Variants in TRIM24 observed in about 807,000 individuals in gnomAD.
TRIM24 encodes transcription intermediary factor 1-alpha.
Under a neutral mutation model 123.9 loss-of-function variants are expected in TRIM24, and 29 were observed. That is an observed-to-expected ratio of 0.23 (90% CI 0.17 to 0.32). TRIM24 has a LOEUF of 0.32. Ranked by LOEUF, TRIM24 falls within the 10% of genes least tolerant of loss-of-function variation. The pLI is 1.00. For synonymous variants in TRIM24, 456 were observed against 461.1 expected (o/e 0.99, Z 0.14); for missense variants, 932 against 1,295.3 (o/e 0.72, Z 4.31).
At chr7:138,562,502 G>A (rs1179960034) in intron 9 of TRIM24, among the ~76,000 whole-genome samples, 1 of 152,168 alleles carries the variant, frequency 6.6e-6, no homozygotes, top group Non-Finnish European at 1.5e-5. Context: ...TGTACTGGCA[G>A]GAGTGGGATG....
intron 7 of TRIM24, among the ~76,000 whole-genome samples, chr7:138,548,179 A>C (rs1274670079): frequency 6.6e-6 from 1 of 152,212 alleles, no homozygotes; most frequent in African/African-American, 2.4e-5. Context: ...GTGACATCAT[A>C]GGATATACTT....
At chr7:138,567,996 T>C (rs548915099) in intron 10 of TRIM24, among the ~76,000 whole-genome samples, 9 of 152,246 alleles carry the variant, frequency 5.9e-5, no homozygotes, top group Non-Finnish European at 1.3e-4. Flanking sequence ...AATGAATCTT[T>C]GAAGCGTCTC....
At chr7:138,563,134 C>T (rs866332093) in intron 9 of TRIM24, among the ~76,000 whole-genome samples, 62 of 152,270 alleles carry the variant, frequency 4.1e-4, no homozygotes, top group Middle Eastern at 3.4e-3. Flanking sequence ...CATTAGCTGG[C>T]CCCCCACTTC....
chr7:138,528,983 A>G, intron 5 of TRIM24, 133 bp from the exon 6 acceptor site: 2 of 428,520 alleles, frequency 4.7e-6, no homozygotes, highest in Non-Finnish European at 8.5e-6. Flanking sequence ...AAGACAGTCA[A>G]TTTAAAGTGA....
At chr7:138,479,518 C>T (rs2116473723) in intron 1 of TRIM24, among the ~76,000 whole-genome samples, 1 of 152,054 alleles carries the variant, frequency 6.6e-6, no homozygotes, top group African/African-American at 2.4e-5. Flanking sequence ...GCGTGTGTCA[C>T]CATGCCTGAA....
At chr7:138,549,334 GCACATAGCGGTGTGGGAGAGAGGAAA>G (rs1797164016) in intron 7 of TRIM24, among the ~76,000 whole-genome samples, 1 of 152,186 alleles carries the variant, frequency 6.6e-6, no homozygotes, top group Non-Finnish European at 1.5e-5. Flanking sequence ...GGGCATTCCA[GCACATAGCGGTGTGGGAGAGAGGAAA>G]TCACCAACAA....
intron 1 of TRIM24, 79 bp from the exon 2 acceptor site, chr7:138,504,211 A>C: frequency 1.2e-6 from 1 of 855,180 alleles, no homozygotes; most frequent in African/African-American, 1.8e-5. Flanking sequence ...AAAAAGAACA[A>C]AGTCACAGTT....
rs147507401 is a variant in TRIM24, at chr7:138,552,322, T to A, written c.1261+1142T>A. On this transcript the variant is annotated intron_variant, in intron 8 of 18. Transcript: ENST00000343526. ...AACACATAACTGTATTAGAACTCAC[T>A]GAATTATCACAAAAAGAGACTGTCA... Among the ~76,000 whole-genome samples the A allele has an allele frequency of 3.9e-4, 59 of 152,322 alleles. No homozygotes were observed. In the East Asian group the frequency reaches 7.9e-3, roughly 20 times the overall value.
intron 10 of TRIM24, among the ~76,000 whole-genome samples, chr7:138,569,374 AAGT>A (rs1471958658): frequency 1.3e-5 from 2 of 152,348 alleles, no homozygotes; most frequent in East Asian, 3.9e-4. Flanking sequence ...AATTGCTTTT[AAGT>A]AGTAGATGAG....
chr7:138,483,794 G>A (rs1795584850), intron 1 of TRIM24, among the ~76,000 whole-genome samples: 2 of 152,170 alleles, frequency 1.3e-5, no homozygotes, highest in South Asian at 4.1e-4. Context: ...GGGTGCCCCT[G>A]GTTCCCACAG....
chr7:138,552,463 A>G (rs547762009), intron 8 of TRIM24, among the ~76,000 whole-genome samples: 1 of 152,286 alleles, frequency 6.6e-6, no homozygotes. Context: ...CTTCTTTCTT[A>G]ATTTCTCACA....
At chr7:138,583,113 T>G (rs1797936807) in intron 17 of TRIM24, among the ~76,000 whole-genome samples, 1 of 152,092 alleles carries the variant, frequency 6.6e-6, no homozygotes, top group African/African-American at 2.4e-5. Flanking sequence ...GAAACTGAGG[T>G]TAAGTAGCTT....
chr7:138,570,616 G>A (rs747106657), intron 10 of TRIM24, among the ~76,000 whole-genome samples: 53 of 148,924 alleles, frequency 3.6e-4, no homozygotes, highest in Middle Eastern at 3.6e-3. Flanking sequence ...TTGTCTTCCA[G>A]TAAAAATCAG....
At chr7:138,520,217 T>C (rs1419355945) in intron 4 of TRIM24, among the ~76,000 whole-genome samples, 1 of 152,308 alleles carries the variant, frequency 6.6e-6, no homozygotes, top group East Asian at 1.9e-4. Flanking sequence ...GGATCATGCA[T>C]GGTGAATGTG....
At chr7:138,462,416 C>G (rs868807786) in intron 1 of TRIM24, among the ~76,000 whole-genome samples, 6 of 150,120 alleles carry the variant, frequency 4.0e-5, no homozygotes, top group Middle Eastern at 6.8e-3. Flanking sequence ...TCTCGGCTCA[C>G]TGCAAGCTCC....
At chr7:138,483,666 T>A (rs940197668) in intron 1 of TRIM24, among the ~76,000 whole-genome samples, 9 of 152,214 alleles carry the variant, frequency 5.9e-5, no homozygotes, top group Admixed American at 3.3e-4. Context: ...CATAGACTTG[T>A]ATAGCCCTGG....
At chr7:138,565,102 C>T (rs538919880) in intron 9 of TRIM24, among the ~76,000 whole-genome samples, 108 of 152,236 alleles carry the variant, frequency 7.1e-4, no homozygotes, top group African/African-American at 2.5e-3. Context: ...GTATGGTCTA[C>T]GCTAAGAGAA....
intron 7 of TRIM24, among the ~76,000 whole-genome samples, chr7:138,543,600 T>C (rs991586841): frequency 2.6e-5 from 4 of 152,158 alleles, no homozygotes; most frequent in African/African-American, 9.7e-5. Flanking sequence ...CAAGCTTGGC[T>C]TGCTATTTTA....
intron 4 of TRIM24, among the ~76,000 whole-genome samples, chr7:138,523,583 G>A (rs1206001359): frequency 1.3e-5 from 2 of 151,954 alleles, no homozygotes; most frequent in Non-Finnish European, 1.5e-5. Context: ...GTGAAACCCC[G>A]TCTCTACTAA....
Sources: gnomAD v4.1 joint callset for allele counts (sites outside exome capture counted in the v4.1 genomes callset) on GRCh38, gnomAD v4.1.1 for gene constraint, MANE v1.5 for transcripts, NCBI Gene and HGNC (gene_info 2026-07-23, HGNC 2026-07-21) for gene names.